Variants in RUNX1 observed in about 807,000 individuals in gnomAD.
RUNX1 encodes the protein RUNX family transcription factor 1.
In RUNX1, 19 loss-of-function variants were observed where a neutral mutation model predicts 42.8. That is an observed-to-expected ratio of 0.44 (90% CI 0.31 to 0.65). RUNX1 has a LOEUF of 0.65. Ranked by LOEUF, RUNX1 falls within the 30% of genes least tolerant of loss-of-function variation. The pLI is 0.07. For synonymous variants in RUNX1, 271 were observed against 289.4 expected (o/e 0.94, Z 0.64); for missense variants, 528 against 672.0 (o/e 0.79, Z 2.37).
At position 34,931,403 on chromosome 21, in the gene RUNX1, CGT is replaced by C. The variant is rs1287295359; in HGVS notation, c.59-38442_59-38441del. Among the ~76,000 whole-genome samples the C allele has an allele frequency of 8.8e-5, 12 of 136,516 alleles. No homozygotes were observed. The South Asian group carries it at 2.5e-3, about 28-fold the overall frequency. 89.6% of individuals were successfully genotyped at this position (136,516 alleles called of 152,430 possible). On this transcript the variant is annotated intron_variant, in intron 2 of 8. Coordinates refer to ENST00000675419, the MANE Select transcript of RUNX1 (RefSeq NM_001754.5). ...TATATACATGTATATAATATATACA[CGT>C]GTATATATTATATATAAAGCATATA... is the stretch of plus-strand genomic sequence containing the variant.
intron 2 of RUNX1, among the ~76,000 whole-genome samples, chr21:34,924,048 A>C (rs1406597790): frequency 6.6e-6 from 1 of 151,264 alleles, no homozygotes; most frequent in African/African-American, 2.4e-5. Flanking sequence ...CATACGTGAC[A>C]GGGCAGTTCA....
In RUNX1 at chr21:34,827,975, C is replaced by G. The variant is rs539969381; in HGVS notation, c.805+6435G>C. ...TGAGGTTGAAGCTGCCACAAAGAGTCCCCACTAAGGCTGTGCCTAATGGAG... is the reference window on the plus strand; with the variant it reads ...TGAGGTTGAAGCTGCCACAAAGAGTGCCCACTAAGGCTGTGCCTAATGGAG... On this transcript the variant is annotated intron_variant, in intron 7 of 8. Coordinates refer to ENST00000675419, the MANE Select transcript of RUNX1 (RefSeq NM_001754.5). Among the ~76,000 whole-genome samples the G allele has an allele frequency of 2.7e-3, 406 of 152,334 alleles. 3 individuals are homozygous for G. The highest frequency in any genetic ancestry group is 9.4e-3 in the African/African-American group (392 of 41,572).
chr21:34,881,909 CA>C (rs1329655562), intron 4 of RUNX1, among the ~76,000 whole-genome samples: 4 of 152,158 alleles, frequency 2.6e-5, no homozygotes, highest in Non-Finnish European at 5.9e-5. Context: ...CATACAACTT[CA>C]AATCGAAATG....
At chr21:34,851,363 T>C (rs540551746) in intron 6 of RUNX1, among the ~76,000 whole-genome samples, 7 of 152,368 alleles carry the variant, frequency 4.6e-5, no homozygotes, top group African/African-American at 1.4e-4. Flanking sequence ...TTGCTGACCA[T>C]ATTTTGTTAC....
At chr21:34,828,255 G>A (rs556193838) in intron 7 of RUNX1, among the ~76,000 whole-genome samples, 1 of 152,258 alleles carries the variant, frequency 6.6e-6, no homozygotes, top group East Asian at 1.9e-4. Flanking sequence ...TTACCCTGTT[G>A]GATTTTGAAC....
intron 5 of RUNX1, among the ~76,000 whole-genome samples, chr21:34,867,408 C>G (rs2057677676): frequency 6.6e-6 from 1 of 152,158 alleles, no homozygotes; most frequent in Non-Finnish European, 1.5e-5. Flanking sequence ...CCACTGCACT[C>G]CAGCCTGGGT....
At chr21:34,987,631 T>G (rs1351288621) in intron 2 of RUNX1, among the ~76,000 whole-genome samples, 1 of 152,058 alleles carries the variant, frequency 6.6e-6, no homozygotes, top group East Asian at 1.9e-4. Flanking sequence ...GAGGCCTCCT[T>G]TGAAGTCTGA....
At chr21:34,975,624 T>C (rs2058796064) in intron 2 of RUNX1, among the ~76,000 whole-genome samples, 10 of 152,024 alleles carry the variant, frequency 6.6e-5, no homozygotes, top group Admixed American at 6.6e-4. Flanking sequence ...CAATAGTGTG[T>C]GGTGGAAAGT....
chr21:34,998,273 G>A (rs1052309730), intron 2 of RUNX1, among the ~76,000 whole-genome samples: 7 of 152,110 alleles, frequency 4.6e-5, no homozygotes, highest in African/African-American at 1.7e-4. Flanking sequence ...ACCTGAGCAG[G>A]GGCCACAGAG....
chr21:34,896,986 G>A (rs2058136036), intron 2 of RUNX1, among the ~76,000 whole-genome samples: 1 of 152,116 alleles, frequency 6.6e-6, no homozygotes, highest in African/African-American at 2.4e-5. Flanking sequence ...AGGTGTTTGT[G>A]TATATATATG....
chr21:35,018,607 G>A (rs77160394), intron 2 of RUNX1, among the ~76,000 whole-genome samples: 2,244 of 152,256 alleles, frequency 0.015, 51 homozygotes, highest in African/African-American at 0.05. Context: ...ATCTGATATC[G>A]TTTGAATTAT....
chr21:34,891,300 T>G (rs1316010194), intron 3 of RUNX1, among the ~76,000 whole-genome samples: 1 of 152,184 alleles, frequency 6.6e-6, no homozygotes, highest in Non-Finnish European at 1.5e-5. Context: ...AAAAAGCTGA[T>G]AGCAATCACA....
At chr21:34,846,068 A>G (rs1468161315) in intron 6 of RUNX1, among the ~76,000 whole-genome samples, 2 of 152,108 alleles carry the variant, frequency 1.3e-5, no homozygotes, top group African/African-American at 4.8e-5. Context: ...AATTAAGTCA[A>G]CAGAACTCAC....
chr21:34,909,950 T>C lies in RUNX1; in HGVS notation c.59-16987A>G, dbSNP rs1050534992. ...TTCCGCCTCTTCCTCCTCCTCCTTC[T>C]TCTTCAACTATTATCTACCAAGCTG... On this transcript the variant is annotated intron_variant, in intron 2 of 8. Coordinates refer to ENST00000675419, the MANE Select transcript of RUNX1 (RefSeq NM_001754.5). 2.6e-5 allele frequency among the ~76,000 whole-genome samples: 4 copies of C among 152,164 alleles called. No homozygotes were observed. The East Asian group carries it at 5.8e-4, about 22-fold the overall frequency.
In RUNX1 at chr21:34,905,958, T is replaced by A. The variant is rs553298563; in HGVS notation, c.59-12995A>T. On this transcript the variant is annotated intron_variant, in intron 2 of 8. Coordinates refer to ENST00000675419, the MANE Select transcript of RUNX1 (RefSeq NM_001754.5). ...AAGCCCTGAGTATGTATACCTCACA[T>A]AACTCCTCTATAGCAACCTATAAAA... 9.2e-5 allele frequency among the ~76,000 whole-genome samples: 14 copies of A among 152,338 alleles called. No individual in the cohort carries two copies. In the South Asian group the frequency reaches 2.9e-3, roughly 32 times the overall value.
At chr21:34,894,698 T>C (rs2058114559) in intron 2 of RUNX1, among the ~76,000 whole-genome samples, 1 of 152,060 alleles carries the variant, frequency 6.6e-6, no homozygotes, top group African/African-American at 2.4e-5. Flanking sequence ...GTCTCTCTCT[T>C]CCCTACATCC....
chr21:34,825,896 G>A (rs1224164379), intron 7 of RUNX1, among the ~76,000 whole-genome samples: 2 of 152,326 alleles, frequency 1.3e-5, no homozygotes, highest in East Asian at 1.9e-4. Flanking sequence ...GAATGATACA[G>A]TCTGATACAG....
At chr21:34,849,514 A>ATGAATG (rs2057386828) in intron 6 of RUNX1, among the ~76,000 whole-genome samples, 1 of 117,502 alleles carries the variant, frequency 8.5e-6, no homozygotes, top group East Asian at 2.2e-4. Context: ...GCTTTCACCT[A>ATGAATG]TGAATGTGAA....
At chr21:34,808,508 C>T (rs1003670581) in intron 7 of RUNX1, among the ~76,000 whole-genome samples, 3 of 152,290 alleles carry the variant, frequency 2.0e-5, no homozygotes, top group Non-Finnish European at 2.9e-5. Flanking sequence ...GCTGGTTCCT[C>T]ACATCAGGCC....
Sources: allele counts gnomAD v4.1 joint callset (sites outside exome capture counted in the v4.1 genomes callset), GRCh38; gene constraint gnomAD v4.1.1; transcripts MANE v1.5; gene names NCBI Gene and HGNC (gene_info 2026-07-23, HGNC 2026-07-21).